Variants in MIDN observed in about 807,000 individuals in gnomAD.
MIDN encodes the protein midbrain nucleolar protein.
MIDN carries 26 observed loss-of-function variants against 46.1 expected under a neutral mutation model. The observed-to-expected ratio is 0.56, with a 90% CI of 0.41 to 0.78. MIDN has a LOEUF of 0.78. MIDN is among the 30% of genes least tolerant of loss of function. MIDN has a pLI of 0.00. For missense variants in MIDN, 850 were observed against 771.8 expected, an observed-to-expected ratio of 1.10 and a Z score of -1.20; for synonymous variants, 432 against 343.3, an observed-to-expected ratio of 1.26 and a Z score of -2.86.
At chr19:1,250,578 CG>C (rs920643984) in intron 2 of MIDN, 49 bp downstream of exon 2, 4 of 1,025,554 alleles carry the variant, frequency 3.9e-6, no homozygotes, top group African/African-American at 3.5e-5. Flanking sequence ...CCCCGGCCCC[CG>C]GGCGGGAACA....
At chr19:1,254,578 A>C (rs778111608) in intron 6 of MIDN, 100 bp downstream of exon 6, 134 of 1,285,972 alleles carry the variant, frequency 1.0e-4, no homozygotes, top group Middle Eastern at 7.7e-4. Flanking sequence ...GTCCCAGGTG[A>C]GTCCCTTGTA....
At chr19:1,248,735 T>C (rs1289889169) in intron 1 of MIDN, 75 bp downstream of exon 1, 1 of 152,122 alleles carries the variant, frequency 6.6e-6, no homozygotes, top group Non-Finnish European at 1.5e-5. Flanking sequence ...CCCGCACTTT[T>C]CTTTGTTCTT....
At position 1,248,588 on chromosome 19, in the gene MIDN, G is replaced by C. The variant is rs1268900084; in HGVS notation, c.-480G>C. 1 of 148,356 alleles carries C rather than the reference G, an allele frequency of 6.7e-6. No homozygotes were observed. Among genetic ancestry groups the C allele is most frequent in the Admixed American group, 6.7e-5 (1 of 14,948 alleles). 9.2% of individuals were successfully genotyped at this position (148,356 alleles called of 1,614,324 possible). A position where few individuals can be genotyped will look rare whatever the true frequency, so the allele number is the denominator to read the frequency against. Reference sequence around the variant, plus strand: ...GAGGGCCGCGCGCTTGGCCCAGACCGGCCCGGCCAGCGCGCATTCGGCCCC... The same window carrying C: ...GAGGGCCGCGCGCTTGGCCCAGACCCGCCCGGCCAGCGCGCATTCGGCCCC... On this transcript the variant is annotated 5_prime_UTR_variant, in exon 1 of 9. Transcript: ENST00000682408.
In MIDN at chr19:1,255,432, C is replaced by T; in HGVS notation, c.996C>T (p.His332=). Residue 332 remains histidine, a synonymous_variant, in exon 8 of 9, where the codon CAC becomes CAT. Coordinates refer to ENST00000682408, the MANE Select transcript of MIDN (RefSeq NM_001388306.1). ...VFSGTFSGTL[H]PNCQDSSGRP... ...CACCTCTGCCCGCAGGCACGCTACA[C>T]CCCAACTGCCAAGACAGCAGCGGGC... is the stretch of plus-strand genomic sequence containing the variant. The T allele has an allele frequency of 6.3e-7, 1 of 1,593,742 alleles. No individual in the cohort carries two copies. Among genetic ancestry groups the T allele is most frequent in the Non-Finnish European group, 8.5e-7 (1 of 1,171,208 alleles).
At chr19:1,256,762 G>A (rs1445101635) in intron 8 of MIDN, among the ~76,000 whole-genome samples, 4 of 152,076 alleles carry the variant, frequency 2.6e-5, no homozygotes, top group East Asian at 3.9e-4. Context: ...GGCCTGTCTC[G>A]AACTCCTGAG....
At chr19:1,251,460 A>C in intron 2 of MIDN, 102 bp from the exon 3 acceptor site, 2 of 1,051,012 alleles carry the variant, frequency 1.9e-6, no homozygotes, top group Non-Finnish European at 2.7e-6. Flanking sequence ...GTGGGAACTT[A>C]TCCGTCTCTC....
chr19:1,257,514 C>G lies in MIDN; in HGVS notation c.*242C>G. On this transcript the variant is annotated 3_prime_UTR_variant, in exon 9 of 9. Transcript: ENST00000682408. ...TCCTTCACCCTTCACTCCTGCCCTC[C>G]TCTTCCTCCTCCTCCTCCTCCTCCG... The G allele has an allele frequency of 4.5e-6, 2 of 442,250 alleles. No homozygotes were observed. Among genetic ancestry groups the G allele is most frequent in the Non-Finnish European group, 7.8e-6 (2 of 256,732 alleles). The allele number at this position is 442,250 out of a possible 1,614,324, so 27.4% of individuals were successfully genotyped here.
intron 4 of MIDN, among the ~76,000 whole-genome samples, chr19:1,253,041 G>T (rs78572158): frequency 0.011 from 1,575 of 145,366 alleles, 11 homozygotes; most frequent in Middle Eastern, 0.028. Flanking sequence ...GGTTGGGGGG[G>T]GCTGGAGGGG....
intron 2 of MIDN, 76 bp downstream of exon 2, chr19:1,250,605 G>T (rs1599974316): frequency 3.8e-6 from 3 of 786,072 alleles, no homozygotes; most frequent in South Asian, 1.2e-4. Flanking sequence ...CGCGCCGCGC[G>T]GGGAAGGCAG....
chr19:1,251,267 C>A, intron 2 of MIDN: 1 of 412,194 alleles, frequency 2.4e-6, no homozygotes, highest in South Asian at 2.9e-5. Context: ...TGGCATAGAG[C>A]ACACTGGGGC....
rs1237544779 is a variant in MIDN at position 1,257,328 on chromosome 19, T to TC, written c.*58dup. 8.0e-6 allele frequency: 12 copies of TC among 1,501,390 alleles called. No homozygotes were observed. Among genetic ancestry groups the TC allele is most frequent in the Middle Eastern group, 2.2e-4 (1 of 4,544 alleles). 93.0% of individuals were successfully genotyped at this position (1,501,390 alleles called of 1,614,324 possible). On this transcript the variant is annotated 3_prime_UTR_variant, in exon 9 of 9. Transcript: ENST00000682408. ...CACCCCAGCCCAGGGCGGCGGGGACTCCGAGAGCCCCGGAGAGAACGTGGC... is the reference window on the plus strand; with the variant it reads ...CACCCCAGCCCAGGGCGGCGGGGACTCCCGAGAGCCCCGGAGAGAACGTGGC...
In MIDN at chr19:1,251,657, G is replaced by A; in HGVS notation, c.321+8G>A. ...GTGGAAGCGGGCCTCATGGTAAATG[G>A]CCATGGGGCTGCGTGCCCCCAGAGG... On this transcript the variant is annotated splice_region_variant and intron_variant, in intron 3 of 8. Transcript: ENST00000682408. The A allele has an allele frequency of 3.1e-6, 5 of 1,606,860 alleles. No individual in the cohort carries two copies. Among genetic ancestry groups the A allele is most frequent in the Non-Finnish European group, 4.2e-6 (5 of 1,176,850 alleles).
Position 1,251,180 on chromosome 19 carries a change from G to A in MIDN, c.234-382G>A, listed in dbSNP as rs934675359. ...AGGGCCTCTCCTCGGGCCGAAACCC[G>A]TGGTTCCTACAAAGAGGAGCCAGGA... On this transcript the variant is annotated intron_variant, in intron 2 of 8. Coordinates refer to ENST00000682408, the MANE Select transcript of MIDN (RefSeq NM_001388306.1). 23 of 180,496 alleles carry A rather than the reference G, an allele frequency of 1.3e-4. No individual in the cohort carries two copies. The South Asian group carries it at 1.6e-3, about 13-fold the overall frequency. The allele number at this position is 180,496 out of a possible 1,614,324, so 11.2% of individuals were successfully genotyped here.
Position 1,257,020 on chromosome 19 carries a change from C to G in MIDN, c.1284C>G (p.Asn428Lys). Residue 428 changes from asparagine (N) to lysine (K), a missense_variant, in exon 9 of 9, where the codon AAC (asparagine) becomes AAG (lysine). Transcript: ENST00000682408. ...GGGACCGGCTTCGGCAGACAGAAAA[C>G]CGCGCCACGCGCTGCAAGGTGGAAC... ...PPGDRLRQTENRATRCKVERL... is the reference protein window; with the variant it reads ...PPGDRLRQTEKRATRCKVERL... 1.2e-6 allele frequency: 2 copies of G among 1,611,434 alleles called. No homozygotes were observed. Among genetic ancestry groups the G allele is most frequent in the Non-Finnish European group, 1.7e-6 (2 of 1,179,902 alleles).
rs1168391581 is a variant in MIDN at position 1,257,657 on chromosome 19, C to T, written c.*385C>T. ...AAGGAGACGGAGAAACGCGCCCCATCCCTTCCGCCGCCTCCTTTCCCCCCC... is the reference window on the plus strand; with the variant it reads ...AAGGAGACGGAGAAACGCGCCCCATTCCTTCCGCCGCCTCCTTTCCCCCCC... On this transcript the variant is annotated 3_prime_UTR_variant, in exon 9 of 9. Coordinates refer to ENST00000682408, the MANE Select transcript of MIDN (RefSeq NM_001388306.1). 9.4e-6 allele frequency: 2 copies of T among 213,560 alleles called. No homozygotes were observed. The highest frequency in any genetic ancestry group is 2.6e-4 in the East Asian group (2 of 7,602). 13.2% of individuals were successfully genotyped at this position (213,560 alleles called of 1,614,324 possible).
chr19:1,250,844 G>C (rs1264062280), intron 2 of MIDN, among the ~76,000 whole-genome samples: 2 of 151,994 alleles, frequency 1.3e-5, no homozygotes, highest in Non-Finnish European at 2.9e-5. Flanking sequence ...TCCCGCCTGC[G>C]TCCGCGCCGG....
chr19:1,253,131 A>G (rs1274862526), intron 4 of MIDN, among the ~76,000 whole-genome samples: 1 of 150,568 alleles, frequency 6.6e-6, no homozygotes, highest in Non-Finnish European at 1.5e-5. Flanking sequence ...AGCCTTCCCC[A>G]GGGAGGAAGT....
At chr19:1,252,807 C>T (rs999748886) in intron 4 of MIDN, among the ~76,000 whole-genome samples, 5 of 152,102 alleles carry the variant, frequency 3.3e-5, no homozygotes, top group East Asian at 1.9e-4. Flanking sequence ...GGGGGCAGGG[C>T]GGGGGCCGGG....
At chr19:1,250,628 C>G (rs2081114091) in intron 2 of MIDN, 99 bp downstream of exon 2, 3 of 575,280 alleles carry the variant, frequency 5.2e-6, no homozygotes, top group Middle Eastern at 1.5e-3. Context: ...GGCGGCCAGA[C>G]AGGGGGCGGG....
Sources: allele counts gnomAD v4.1 joint callset (sites outside exome capture counted in the v4.1 genomes callset), GRCh38; gene constraint gnomAD v4.1.1; transcripts MANE v1.5; gene names NCBI Gene and HGNC (gene_info 2026-07-23, HGNC 2026-07-21).